Variants in SERPINE2 observed in about 807,000 individuals in gnomAD.
The protein encoded by SERPINE2 is serpin family E member 2.
Under a neutral mutation model 36.3 loss-of-function variants are expected in SERPINE2, and 14 were observed. The ratio of observed to expected loss-of-function variants is 0.39; its 90% CI spans 0.25 to 0.60. SERPINE2 has a LOEUF of 0.60. Among genes scored for constraint, SERPINE2 ranks in the 20% least tolerant of loss-of-function variants. The pLI, the probability that SERPINE2 is intolerant of heterozygous loss-of-function variation, is 0.57. For missense variants in SERPINE2, 418 were observed against 499.6 expected (o/e 0.84, Z 1.56); for synonymous variants, 192 against 191.8 (o/e 1.00, Z -0.01).
chr2:224,004,357 T>C (rs1691310194), intron 1 of SERPINE2, among the ~76,000 whole-genome samples: 1 of 152,210 alleles, frequency 6.6e-6, no homozygotes, highest in African/African-American at 2.4e-5. Context: ...AAACAAGCGC[T>C]TTTCTAAAGA....
intron 1 of SERPINE2, among the ~76,000 whole-genome samples, chr2:224,024,993 G>C (rs541498049): frequency 1.3e-5 from 2 of 152,164 alleles, no homozygotes; most frequent in Non-Finnish European, 2.9e-5. Context: ...CCCCAACAAT[G>C]GGGCTGGTGA....
intron 1 of SERPINE2, among the ~76,000 whole-genome samples, chr2:224,027,678 T>C (rs1054295388): frequency 6.6e-6 from 1 of 152,200 alleles, no homozygotes; most frequent in East Asian, 1.9e-4. Context: ...TGCTCCCTGA[T>C]TGCCTCCCCC....
Position 223,984,926 on chromosome 2 carries a change from A to G in SERPINE2, c.710T>C (p.Leu237Ser). ...RCGSTSAPNDLWYNFIELPYH... is the reference protein window; with the variant it reads ...RCGSTSAPNDSWYNFIELPYH... Reference sequence around the variant, plus strand: ...GGGCAGTTCAATGAAGTTGTACCATAAATCATTGGGGGCACTTGTCGACCC... The same window carrying G: ...GGGCAGTTCAATGAAGTTGTACCATGAATCATTGGGGGCACTTGTCGACCC... The change falls in exon 5 of 9, where the codon TTA (leucine) becomes TCA (serine). Residue 237 changes from leucine (L) to serine (S), a missense_variant. Leu to Ser is a moderately radical substitution (Grantham distance 145). Coordinates refer to ENST00000409304, the MANE Select transcript of SERPINE2 (RefSeq NM_001136528.2). 6.2e-7 allele frequency: 1 copy of G among 1,614,170 alleles called. No homozygotes were observed. Among genetic ancestry groups the G allele is most frequent in the Non-Finnish European group, 8.5e-7 (1 of 1,180,028 alleles).
intron 6 of SERPINE2, 47 bp from the exon 7 acceptor site, chr2:223,980,444 G>A (rs376654159): frequency 9.1e-6 from 14 of 1,538,634 alleles, no homozygotes; most frequent in Admixed American, 1.7e-5. Context: ...TGATAGGCAG[G>A]CCATTGGTTG....
chr2:223,995,749 GA>G (rs1690860662), intron 3 of SERPINE2, among the ~76,000 whole-genome samples: 1 of 152,132 alleles, frequency 6.6e-6, no homozygotes, highest in Admixed American at 6.5e-5. Flanking sequence ...CACCGTTTCA[GA>G]AAAAATTGCA....
intron 4 of SERPINE2, among the ~76,000 whole-genome samples, chr2:223,991,470 T>A (rs942750739): frequency 6.6e-6 from 1 of 152,144 alleles, no homozygotes; most frequent in African/African-American, 2.4e-5. Flanking sequence ...TGCTAATGAG[T>A]TGCTGTGTTT....
Position 223,998,265 on chromosome 2 carries a change from C to T in SERPINE2, c.337G>A (p.Ala113Thr), listed in dbSNP as rs1690973889. Residue 113 changes from alanine (A) to threonine (T), a missense_variant, in exon 3 of 9, where the codon GCC (alanine) becomes ACC (threonine). Ala to Thr is a moderately conservative substitution (Grantham distance 58). Coordinates refer to ENST00000409304, the MANE Select transcript of SERPINE2 (RefSeq NM_001136528.2). ...TCAGAGGCATTCTTAACAAACACGG[C>T]GTTAGCCACTGTCACAATGTCTTTA... ...KNKDIVTVAN[A>T]VFVKNASEIE... The T allele has an allele frequency of 6.2e-7, 1 of 1,614,158 alleles. No individual in the cohort carries two copies.
intron 5 of SERPINE2, among the ~76,000 whole-genome samples, chr2:223,983,677 G>A (rs1264346011): frequency 7.6e-6 from 1 of 132,312 alleles, no homozygotes; most frequent in Non-Finnish European, 1.6e-5. Flanking sequence ...TGGCCTTGGG[G>A]ATATATGGAG....
At chr2:224,009,348 T>C (rs1691542054) in intron 1 of SERPINE2, among the ~76,000 whole-genome samples, 1 of 152,168 alleles carries the variant, frequency 6.6e-6, no homozygotes, top group Non-Finnish European at 1.5e-5. Context: ...AGGTATGTTT[T>C]GTCCGAATCA....
rs149641813 is a variant in SERPINE2, at chr2:223,991,855, G to A, written c.633C>T (p.Asp211=). The A allele has an allele frequency of 9.9e-5, 159 of 1,613,366 alleles. No individual in the cohort carries two copies. In the African/African-American group the frequency reaches 1.5e-3, roughly 15 times the overall value. The change falls in exon 4 of 9, where the codon GAC becomes GAT. Residue 211 remains aspartate (D), a synonymous_variant. Coordinates refer to ENST00000409304, the MANE Select transcript of SERPINE2 (RefSeq NM_001136528.2). ...GCATTGGCACTTGATAGGATTTCCC[G>A]TCGGCTGCCACGAAAGTGCGTTTCT... The part of the protein sequence containing the change: ...NTKKRTFVAA[D]GKSYQVPMLA...
At chr2:223,980,478 C>G in intron 6 of SERPINE2, 81 bp from the exon 7 acceptor site, 1 of 1,243,498 alleles carries the variant, frequency 8.0e-7, no homozygotes, top group Admixed American at 1.7e-5. Flanking sequence ...CCTCAAAGCT[C>G]AAAGCCATGG....
At chr2:224,002,864 C>G (rs1691240231) in intron 1 of SERPINE2, among the ~76,000 whole-genome samples, 1 of 151,938 alleles carries the variant, frequency 6.6e-6, no homozygotes, top group Admixed American at 6.6e-5. Context: ...CACTGGGTGT[C>G]GGACCCTTTT....
At chr2:223,998,982 A>G (rs1294622874) in intron 2 of SERPINE2, among the ~76,000 whole-genome samples, 1 of 152,208 alleles carries the variant, frequency 6.6e-6, no homozygotes, top group African/African-American at 2.4e-5. Flanking sequence ...CCTCAGTTCT[A>G]TAGCCAAGGG....
At chr2:223,991,294 A>G (rs886746528) in intron 4 of SERPINE2, among the ~76,000 whole-genome samples, 1 of 152,214 alleles carries the variant, frequency 6.6e-6, no homozygotes, top group Non-Finnish European at 1.5e-5. Flanking sequence ...TGCTGGAGCC[A>G]GGACCCCGAG....
chr2:224,029,771 T>A (rs1692297898), intron 1 of SERPINE2, among the ~76,000 whole-genome samples: 1 of 152,240 alleles, frequency 6.6e-6, no homozygotes, highest in Non-Finnish European at 1.5e-5. Context: ...ACAATTCTGC[T>A]TACTGCAACT....
chr2:224,029,148 T>A (rs1692279060), intron 1 of SERPINE2, among the ~76,000 whole-genome samples: 1 of 152,244 alleles, frequency 6.6e-6, no homozygotes, highest in Admixed American at 6.5e-5. Context: ...TTAACTAACA[T>A]GTCATTAAGA....
intron 6 of SERPINE2, chr2:223,981,748 T>C (rs918991262): frequency 6.6e-6 from 1 of 152,168 alleles, no homozygotes; most frequent in Non-Finnish European, 1.5e-5. Flanking sequence ...CAAACATAAC[T>C]CTAGAAAAAG....
chr2:223,982,628 T>G (rs972019708), intron 6 of SERPINE2, 53 bp downstream of exon 6: 2 of 1,078,906 alleles, frequency 1.9e-6, no homozygotes, highest in African/African-American at 1.6e-5. Flanking sequence ...CAAATCAGTC[T>G]CAGTTTGTAA....
At chr2:224,031,444 G>T (rs1461475334) in intron 1 of SERPINE2, 23 of 985,630 alleles carry the variant, frequency 2.3e-5, no homozygotes, top group Non-Finnish European at 2.8e-5. Context: ...AGGCAGCACG[G>T]TCCTCTCCAC....
Sources: allele counts gnomAD v4.1 joint callset (sites outside exome capture counted in the v4.1 genomes callset), GRCh38; gene constraint gnomAD v4.1.1; transcripts MANE v1.5; gene names NCBI Gene and HGNC (gene_info 2026-07-23, HGNC 2026-07-21).